The following RASSF5 variants were observed in gnomAD, a reference collection of about 807,000 sequenced individuals.
RASSF5 encodes the protein ras association domain-containing protein 5.
A neutral mutation model predicts 40.5 loss-of-function variants in RASSF5; 25 were observed. That is an observed-to-expected ratio of 0.62 (90% CI 0.45 to 0.86). The LOEUF is 0.86. RASSF5 is among the 40% of genes least tolerant of loss of function. RASSF5 has a pLI of 0.00. For missense variants in RASSF5, 521 were observed against 572.8 expected (o/e 0.91, Z 0.92); for synonymous variants, 246 against 252.4 (o/e 0.97, Z 0.24).
In RASSF5 at chr1:206,538,228, C is replaced by T. The variant is rs2103523208; in HGVS notation, c.514C>T (p.Gln172Ter). 6.2e-7 allele frequency: 1 copy of T among 1,614,240 alleles called. No individual in the cohort carries two copies. The highest frequency in any genetic ancestry group is 2.2e-5 in the East Asian group (1 of 44,882). The change falls in exon 2 of 6, where the codon CAG (glutamine) becomes TAG (stop). Residue 172 changes from glutamine (Q) to a stop codon, truncating the protein, a stop_gained. Coordinates refer to ENST00000579436, the MANE Select transcript of RASSF5 (RefSeq NM_182663.4). LOFTEE classifies it high-confidence loss of function. ...CAGCCTGATCCAGTTGGACTGCAGT[C>T]AGCAGGAGGGTTTATCCCGGGACAG... is the stretch of plus-strand genomic sequence containing the variant. ...CRSLIQLDCS[Q>*]QEGLSRDRPS...
chr1:206,584,538 AC>A lies in RASSF5; in HGVS notation c.844del (p.Leu282CysfsTer3). ...ACCACGGACAAGCGGACATCCTTCT[AC>A]CTGCCCCTAGATGCCATCAAGCAGC... is the stretch of plus-strand genomic sequence containing the variant. ...AATTDKRTSF[Y>X]LPLDAIKQLH... is the part of the protein sequence containing the mutation. On this transcript the variant is annotated frameshift_variant, in exon 4 of 6. Coordinates refer to ENST00000579436, the MANE Select transcript of RASSF5 (RefSeq NM_182663.4). LOFTEE classifies it high-confidence loss of function. The surrounding 1 kb of genome is among the most constrained non-coding windows in gnomAD (Gnocchi z 4.9). The A allele has an allele frequency of 6.2e-7, 1 of 1,614,134 alleles. No homozygotes were observed. The highest frequency in any genetic ancestry group is 8.5e-7 in the Non-Finnish European group (1 of 1,179,998).
At position 206,557,420 on chromosome 1, in the gene RASSF5, C is replaced by T. The variant is rs113172752; in HGVS notation, c.579+19127C>T. 6,529 of 1,410,774 alleles carry T rather than the reference C, an allele frequency of 4.6e-3. 232 individuals carry two copies. The African/African-American group carries it at 0.083, about 18-fold the overall frequency. The allele number at this position is 1,410,774 out of a possible 1,614,324, so 87.4% of individuals were successfully genotyped here. A position where few individuals can be genotyped will look rare whatever the true frequency, so the allele number is the denominator to read the frequency against. On this transcript the variant is annotated intron_variant, in intron 2 of 5. Coordinates refer to ENST00000579436, the MANE Select transcript of RASSF5 (RefSeq NM_182663.4). Reference sequence around the variant, plus strand: ...AAACGCAGGCGGCCCGCCGGCTCTGCCTGGTCCGCTACCCGACCAGCTCCC... The same window carrying T: ...AAACGCAGGCGGCCCGCCGGCTCTGTCTGGTCCGCTACCCGACCAGCTCCC...
intron 2 of RASSF5, among the ~76,000 whole-genome samples, chr1:206,569,699 C>A (rs1216509130): frequency 2.0e-5 from 3 of 152,216 alleles, no homozygotes; most frequent in Non-Finnish European, 2.9e-5. Flanking sequence ...TCTTGAGGCC[C>A]CTTCCTGATC....
At position 206,584,321 on chromosome 1, in the gene RASSF5, C is replaced by G; in HGVS notation, c.691-66C>G. ...GTGGGTGCTGCTGGGGCAATGGCCC[C>G]GAGTGGCAGATATGATCATGCAAGG... On this transcript the variant is annotated intron_variant, in intron 3 of 5. Coordinates refer to ENST00000579436, the MANE Select transcript of RASSF5 (RefSeq NM_182663.4). This position sits in a 1 kb window ranked among gnomAD's most constrained non-coding sequence, Gnocchi z 4.9. The G allele has an allele frequency of 6.7e-7, 1 of 1,497,530 alleles. No homozygotes were observed. The highest frequency in any genetic ancestry group is 9.0e-7 in the Non-Finnish European group (1 of 1,108,170). 92.8% of individuals were successfully genotyped at this position (1,497,530 alleles called of 1,614,324 possible).
chr1:206,522,419 C>T lies in RASSF5; in HGVS notation c.457+14360C>T, dbSNP rs570723111. 5.9e-5 allele frequency among the ~76,000 whole-genome samples: 9 copies of T among 152,328 alleles called. No individual in the cohort carries two copies. In the East Asian group the frequency reaches 1.7e-3, roughly 29 times the overall value. On this transcript the variant is annotated intron_variant, in intron 1 of 5. Transcript: ENST00000579436. ...AACTGTGCTGTGTCTTTGCACTTCT[C>T]TCTGCATGGCCATACCCTAAATGCA...
rs556655721 is a variant in RASSF5, at chr1:206,529,609, G to A, written c.458-8563G>A. The stretch of plus-strand genomic sequence containing the variant: ...AATGACAGATACAATGACATCCACT[G>A]TCACTGGGGCGGCAATGTCCTGGGT... On this transcript the variant is annotated intron_variant, in intron 1 of 5. Transcript: ENST00000579436. The A allele has an allele frequency of 4.0e-4, 310 of 772,042 alleles. 6 individuals carry two copies. Among genetic ancestry groups the A allele is most frequent in the South Asian group, 3.3e-3 (246 of 74,496 alleles). The allele number at this position is 772,042 out of a possible 1,614,324, so 47.8% of individuals were successfully genotyped here. A position where few individuals can be genotyped will look rare whatever the true frequency, so the allele number is the denominator to read the frequency against.
intron 1 of RASSF5, chr1:206,529,208 G>A: frequency 5.0e-6 from 7 of 1,402,180 alleles, no homozygotes; most frequent in Non-Finnish European, 3.9e-6. Flanking sequence ...TGGCCCACAA[G>A]TACAGACCAG....
rs144731103 is a variant in RASSF5 at position 206,513,789 on chromosome 1, G to C, written c.457+5730G>C. Among the ~76,000 whole-genome samples the C allele has an allele frequency of 7.4e-3, 1,127 of 152,320 alleles. 16 individuals carry two copies. Among genetic ancestry groups the C allele is most frequent in the African/African-American group, 0.026 (1,064 of 41,564 alleles). ...GAACAGAGCCAGTTTTGGGGCTTAG[G>C]GGAAACAGCGAGGAGGCTGAGGTGA... On this transcript the variant is annotated intron_variant, in intron 1 of 5. Coordinates refer to ENST00000579436, the MANE Select transcript of RASSF5 (RefSeq NM_182663.4). This position sits in a 1 kb window ranked among gnomAD's most constrained non-coding sequence, Gnocchi z 5.0.
Position 206,508,002 on chromosome 1 carries a change from C to A in RASSF5, c.400C>A (p.Pro134Thr). 6.6e-7 allele frequency: 1 copy of A among 1,509,636 alleles called. No homozygotes were observed. The highest frequency in any genetic ancestry group is 2.7e-5 in the East Asian group (1 of 37,598). The allele number at this position is 1,509,636 out of a possible 1,614,324, so 93.5% of individuals were successfully genotyped here. A position where few individuals can be genotyped will look rare whatever the true frequency, so the allele number is the denominator to read the frequency against. Residue 134 changes from proline (P) to threonine (T), a missense_variant, in exon 1 of 6, where the codon CCC becomes ACC. Physicochemically the swap from Pro to Thr is conservative, Grantham distance 38 (BLOSUM62 -1). Transcript: ENST00000579436. ...CFAELVLPGG[P>T]GWCDLCGREV... ...CGCCGAGTTGGTGCTGCCGGGCGGC[C>A]CCGGCTGGTGTGACCTGTGCGGACG...
intron 1 of RASSF5, among the ~76,000 whole-genome samples, chr1:206,509,965 A>T (rs1002188131): frequency 6.6e-6 from 1 of 152,178 alleles, no homozygotes; most frequent in African/African-American, 2.4e-5. Flanking sequence ...GGTCCCCCAC[A>T]GAGTTGGTTT....
rs1357363215 is a variant in RASSF5 at position 206,531,394 on chromosome 1, A to G, written c.458-6778A>G. ...GGTTGCAGAGGGAACAACTGTGTCT[A>G]TTGTATGAGAACCTGAGTCTGAAGG... On this transcript the variant is annotated intron_variant, in intron 1 of 5. Coordinates refer to ENST00000579436, the MANE Select transcript of RASSF5 (RefSeq NM_182663.4). The surrounding 1 kb of genome is among the most constrained non-coding windows in gnomAD (Gnocchi z 4.7). Among the ~76,000 whole-genome samples, 5 of 152,280 alleles carry G rather than the reference A, an allele frequency of 3.3e-5. No homozygotes were observed. The highest frequency in any genetic ancestry group is 7.3e-5 in the Non-Finnish European group (5 of 68,028).
intron 2 of RASSF5, among the ~76,000 whole-genome samples, chr1:206,559,018 G>T (rs2103540318): frequency 6.6e-6 from 1 of 152,322 alleles, no homozygotes; most frequent in African/African-American, 2.4e-5. Flanking sequence ...TAGACCAGTG[G>T]TTATCAATCT....
intron 1 of RASSF5, among the ~76,000 whole-genome samples, chr1:206,512,084 T>G (rs569898645): frequency 6.6e-6 from 1 of 152,278 alleles, no homozygotes; most frequent in African/African-American, 2.4e-5. Context: ...TTCCTTGATT[T>G]AGCCCCGTGT....
At chr1:206,530,524 G>A (rs989436705) in intron 1 of RASSF5, among the ~76,000 whole-genome samples, 1 of 152,144 alleles carries the variant, frequency 6.6e-6, no homozygotes, top group Non-Finnish European at 1.5e-5. Context: ...ATTCCTGCAG[G>A]AAATTGATAC....
At chr1:206,521,361 G>A (rs1255860215) in intron 1 of RASSF5, among the ~76,000 whole-genome samples, 1 of 152,186 alleles carries the variant, frequency 6.6e-6, no homozygotes, top group Non-Finnish European at 1.5e-5. Flanking sequence ...ACTTTGAATA[G>A]CTGCAAGTGA....
rs188711269 is a variant in RASSF5 at position 206,572,783 on chromosome 1, C to T, written c.580-10486C>T. Reference sequence around the variant, plus strand: ...GATATTGATGTATTTGTCTTTATACCGATGCAATCATAGAATATAATTTTC... The same window carrying T: ...GATATTGATGTATTTGTCTTTATACTGATGCAATCATAGAATATAATTTTC... On this transcript the variant is annotated intron_variant, in intron 2 of 5. Coordinates refer to ENST00000579436, the MANE Select transcript of RASSF5 (RefSeq NM_182663.4). 48 of 151,630 alleles carry T rather than the reference C, an allele frequency of 3.2e-4. No homozygotes were observed. The East Asian group carries it at 7.2e-3, about 23-fold the overall frequency. The allele number at this position is 151,630 out of a possible 1,614,324, so 9.4% of individuals were successfully genotyped here.
At position 206,584,949 on chromosome 1, in the gene RASSF5, C is replaced by T. The variant is rs1669050537; in HGVS notation, c.989-231C>T. On this transcript the variant is annotated intron_variant, in intron 4 of 5. Coordinates refer to ENST00000579436, the MANE Select transcript of RASSF5 (RefSeq NM_182663.4). This position sits in a 1 kb window ranked among gnomAD's most constrained non-coding sequence, Gnocchi z 4.9. Reference sequence around the variant, plus strand: ...AATGGGAGGAATCTGCCCCACCATTCCTAATCTTTCAGGAGATGATGTGAA... The same window carrying T: ...AATGGGAGGAATCTGCCCCACCATTTCTAATCTTTCAGGAGATGATGTGAA... 1.6e-6 allele frequency: 1 copy of T among 606,392 alleles called. No individual in the cohort carries two copies. The allele number at this position is 606,392 out of a possible 1,614,324, so 37.6% of individuals were successfully genotyped here.
At chr1:206,518,036 A>G (rs1264915769) in intron 1 of RASSF5, among the ~76,000 whole-genome samples, 2 of 152,084 alleles carry the variant, frequency 1.3e-5, no homozygotes, top group African/African-American at 2.4e-5. Flanking sequence ...GAGGTAACCG[A>G]TCACTTCTGT....
At position 206,513,525 on chromosome 1, in the gene RASSF5, A is replaced by G. The variant is rs563494039; in HGVS notation, c.457+5466A>G. 1.3e-5 allele frequency among the ~76,000 whole-genome samples: 2 copies of G among 152,332 alleles called. No homozygotes were observed. The highest frequency in any genetic ancestry group is 4.1e-4 in the South Asian group (2 of 4,826). On this transcript the variant is annotated intron_variant, in intron 1 of 5. Coordinates refer to ENST00000579436, the MANE Select transcript of RASSF5 (RefSeq NM_182663.4). The surrounding 1 kb of genome is among the most constrained non-coding windows in gnomAD (Gnocchi z 5.0). ...GCAGACCTGGGTCTGTGCTGGTGGCAGGATGCTTTCTGCCTCCCTGCAGGG... is the reference window on the plus strand; with the variant it reads ...GCAGACCTGGGTCTGTGCTGGTGGCGGGATGCTTTCTGCCTCCCTGCAGGG...
Sources: allele counts gnomAD v4.1 joint callset (sites outside exome capture counted in the v4.1 genomes callset), GRCh38; gene constraint gnomAD v4.1.1; non-coding constraint Gnocchi (gnomAD v3.1); transcripts MANE v1.5; gene names NCBI Gene and HGNC (gene_info 2026-07-23, HGNC 2026-07-21).